Variants in CPXM2 observed in about 807,000 individuals in gnomAD.
CPXM2 encodes the protein carboxypeptidase X, M14 family member 2, also known as inactive carboxypeptidase-like protein X2.
Under a neutral mutation model 86.1 loss-of-function variants are expected in CPXM2, and 66 were observed. The observed-to-expected ratio is 0.77, with a 90% CI of 0.63 to 0.94. The LOEUF is 0.94. Among genes scored for constraint, CPXM2 ranks in the 40% least tolerant of loss-of-function variants. The probability of loss-of-function intolerance (pLI) is 0.00; values close to 1 mark genes in which losing one functional copy is unlikely to be tolerated. For missense variants in CPXM2, 948 were observed against 1,026.3 expected, an observed-to-expected ratio of 0.92 and a Z score of 1.04; for synonymous variants, 388 against 400.2, an observed-to-expected ratio of 0.97 and a Z score of 0.36.
At chr10:123,812,707 C>T (rs1438869827) in intron 4 of CPXM2, among the ~76,000 whole-genome samples, 1 of 152,192 alleles carries the variant, frequency 6.6e-6, no homozygotes, top group African/African-American at 2.4e-5. Context: ...TAGATTCTCA[C>T]AGGAGCATGA....
chr10:123,943,692 T>C (rs1375269160), upstream of CPXM2, among the ~76,000 whole-genome samples: 1 of 152,176 alleles, frequency 6.6e-6, no homozygotes, highest in Non-Finnish European at 1.5e-5. Flanking sequence ...GGCTGGAGCC[T>C]GTTGCTGAGA....
intron 6 of CPXM2, among the ~76,000 whole-genome samples, chr10:123,794,767 GTGCGCA>G (rs890594592): frequency 5.4e-5 from 8 of 148,994 alleles, no homozygotes; most frequent in African/African-American, 2.1e-4. Context: ...GTGTGTGTGT[GTGCGCA>G]TGTGTGTGTG....
At chr10:123,895,780 G>C (rs906666384), upstream of CPXM2, among the ~76,000 whole-genome samples, 1 of 152,142 alleles carries the variant, frequency 6.6e-6, no homozygotes, top group Non-Finnish European at 1.5e-5. Context: ...GGTAGTAATG[G>C]GGGCAAACTG....
intron 4 of CPXM2, among the ~76,000 whole-genome samples, chr10:123,832,527 T>C (rs755660982): frequency 6.6e-6 from 1 of 151,952 alleles, no homozygotes; most frequent in Admixed American, 6.6e-5. Context: ...AATGAGATGG[T>C]ATTAAGAGGT....
intron 4 of CPXM2, among the ~76,000 whole-genome samples, chr10:123,835,520 C>T (rs1010332706): frequency 2.0e-5 from 3 of 152,142 alleles, no homozygotes; most frequent in Admixed American, 6.5e-5. Flanking sequence ...TTCATTAAAA[C>T]GCTTCTATTT....
At chr10:123,839,733 A>T (rs933447804) in intron 4 of CPXM2, among the ~76,000 whole-genome samples, 2 of 152,120 alleles carry the variant, frequency 1.3e-5, no homozygotes, top group Non-Finnish European at 2.9e-5. Flanking sequence ...TTCTGGACAT[A>T]CTGAGATAGA....
At chr10:123,773,264 T>C (rs571000117) in intron 7 of CPXM2, among the ~76,000 whole-genome samples, 2 of 137,406 alleles carry the variant, frequency 1.5e-5, no homozygotes, top group Non-Finnish European at 3.3e-5. Context: ...ACCTCCCTGG[T>C]TGTGGTCATC....
At chr10:123,862,756 A>G in intron 2 of CPXM2, 33 bp from the exon 3 acceptor site, 1 of 1,561,604 alleles carries the variant, frequency 6.4e-7, no homozygotes, top group East Asian at 2.2e-5. Context: ...AAAAACAACG[A>G]CAGATGCTGA....
chr10:123,831,730 ATC>A (rs1848169512), intron 4 of CPXM2, among the ~76,000 whole-genome samples: 1 of 151,812 alleles, frequency 6.6e-6, no homozygotes, highest in Admixed American at 6.6e-5. Flanking sequence ...AAGTTGCCAT[ATC>A]TCTGTTATTT....
At chr10:123,806,717 C>G (rs1334765675) in intron 4 of CPXM2, among the ~76,000 whole-genome samples, 2 of 152,056 alleles carry the variant, frequency 1.3e-5, no homozygotes, top group African/African-American at 4.8e-5. Context: ...CAAAGGGGAA[C>G]AAGGCACATC....
rs778849798 is a variant in CPXM2, at chr10:123,754,644, T to C, written c.2017+19A>G. The C allele has an allele frequency of 3.8e-5, 49 of 1,303,062 alleles. No individual in the cohort carries two copies. The highest frequency in any genetic ancestry group is 5.4e-5 in the Non-Finnish European group (48 of 896,134). The allele number at this position is 1,303,062 out of a possible 1,614,324, so 80.7% of individuals were successfully genotyped here. ...GGGTATTTCTTACCAAGAGACAGTC[T>C]GCACACATTTGCAGTTACCTGTTCG... On this transcript the variant is annotated intron_variant, in intron 13 of 13. Coordinates refer to ENST00000241305, the MANE Select transcript of CPXM2 (RefSeq NM_198148.3). The surrounding 1 kb of genome is among the most constrained non-coding windows in gnomAD (Gnocchi z 4.0).
rs34757620 is a variant in CPXM2, at chr10:123,793,462, C to CA, written c.889+4513dup. Reference sequence around the variant, plus strand: ...TGGGCGACAGAGCGAGACTCCGTCTCAAAAAAAAAAAAAAAAAAAAAAAAA... The same window carrying CA: ...TGGGCGACAGAGCGAGACTCCGTCTCAAAAAAAAAAAAAAAAAAAAAAAAAA... On this transcript the variant is annotated intron_variant, in intron 6 of 13. Transcript: ENST00000241305. Among the ~76,000 whole-genome samples the CA allele has an allele frequency of 6.9e-3, 406 of 59,086 alleles. 8 individuals are homozygous for CA. Among genetic ancestry groups the CA allele is most frequent in the Non-Finnish European group, 8.7e-3 (253 of 28,920 alleles). 38.8% of individuals were successfully genotyped at this position (59,086 alleles called of 152,430 possible). A position where few individuals can be genotyped will look rare whatever the true frequency, so the allele number is the denominator to read the frequency against.
chr10:123,933,184 A>G (rs1195781858), intron 2 of CPXM2, among the ~76,000 whole-genome samples: 1 of 152,228 alleles, frequency 6.6e-6, no homozygotes, highest in Admixed American at 6.5e-5. Context: ...AGGAAGGGCA[A>G]GTAGGACTGG....
intron 2 of CPXM2, among the ~76,000 whole-genome samples, chr10:123,872,728 A>T (rs1320132642): frequency 1.3e-5 from 2 of 152,182 alleles, no homozygotes; most frequent in African/African-American, 4.8e-5. Flanking sequence ...TGAAAAATAA[A>T]GAATGAACAC....
chr10:123,830,441 G>C (rs1314542274), intron 4 of CPXM2, among the ~76,000 whole-genome samples: 1 of 152,220 alleles, frequency 6.6e-6, no homozygotes, highest in Non-Finnish European at 1.5e-5. Flanking sequence ...GGCAGAGTCA[G>C]TCACATAAAA....
intron 4 of CPXM2, among the ~76,000 whole-genome samples, chr10:123,808,241 A>G (rs1847620723): frequency 6.6e-6 from 1 of 152,138 alleles, no homozygotes; most frequent in Admixed American, 6.5e-5. Flanking sequence ...AGGAAAGATT[A>G]ATTGCTTATA....
intron 3 of CPXM2, among the ~76,000 whole-genome samples, chr10:123,847,481 G>T (rs1848518131): frequency 6.6e-6 from 1 of 151,898 alleles, no homozygotes; most frequent in Admixed American, 6.6e-5. Flanking sequence ...AGCCGAGATG[G>T]CACCACTGCA....
intron 11 of CPXM2, among the ~76,000 whole-genome samples, chr10:123,761,409 G>C (rs1846335036): frequency 6.6e-6 from 1 of 152,192 alleles, no homozygotes; most frequent in South Asian, 2.1e-4. Context: ...CCCAAGAACA[G>C]AATAGCTCTT....
At chr10:123,752,915 G>A (rs575171238) in intron 13 of CPXM2, among the ~76,000 whole-genome samples, 103 of 152,176 alleles carry the variant, frequency 6.8e-4, no homozygotes, top group Non-Finnish European at 1.3e-3. Flanking sequence ...TGGGGGCGAA[G>A]AGACAGAAAC....
Sources: allele counts gnomAD v4.1 joint callset (sites outside exome capture counted in the v4.1 genomes callset), GRCh38; gene constraint gnomAD v4.1.1; non-coding constraint Gnocchi (gnomAD v3.1); transcripts MANE v1.5; gene names NCBI Gene and HGNC (gene_info 2026-07-23, HGNC 2026-07-21).